Variants in FBXL17 observed in about 807,000 individuals in gnomAD.
FBXL17 encodes F-box/LRR-repeat protein 17.
In FBXL17, 22 loss-of-function variants were observed where a neutral mutation model predicts 66.2. The observed-to-expected ratio is 0.33, with a 90% CI of 0.24 to 0.47. The LOEUF is 0.47. Ranked by LOEUF, FBXL17 falls within the 20% of genes least tolerant of loss-of-function variation. FBXL17 has a pLI of 1.00. For synonymous variants in FBXL17, 474 were observed against 400.5 expected (o/e 1.18, Z -2.19); for missense variants, 878 against 948.2 (o/e 0.93, Z 0.97).
chr5:107,908,785 C>T (rs768898341), intron 7 of FBXL17, among the ~76,000 whole-genome samples: 7 of 152,230 alleles, frequency 4.6e-5, no homozygotes, highest in African/African-American at 4.8e-5. Flanking sequence ...GGAAAGAAAC[C>T]GCTAGCATCA....
chr5:108,227,492 T>A (rs1037635597), intron 4 of FBXL17, among the ~76,000 whole-genome samples: 1 of 152,226 alleles, frequency 6.6e-6, no homozygotes, highest in African/African-American at 2.4e-5. Context: ...ACAGTCAAGA[T>A]GAGATCGACA....
At chr5:108,292,403 G>C (rs1373455484) in intron 4 of FBXL17, among the ~76,000 whole-genome samples, 2 of 152,068 alleles carry the variant, frequency 1.3e-5, no homozygotes, top group African/African-American at 2.4e-5. Flanking sequence ...TTACAGGCAT[G>C]AGCCACCATG....
chr5:107,897,741 G>A (rs1214379865), intron 7 of FBXL17, among the ~76,000 whole-genome samples: 1 of 151,684 alleles, frequency 6.6e-6, no homozygotes, highest in Non-Finnish European at 1.5e-5. Flanking sequence ...GATACAACAT[G>A]TAACAGTCTG....
At chr5:108,216,254 C>T (rs1754594805) in intron 5 of FBXL17, among the ~76,000 whole-genome samples, 1 of 151,854 alleles carries the variant, frequency 6.6e-6, no homozygotes, top group African/African-American at 2.4e-5. Flanking sequence ...ACAGAGATTC[C>T]ATTGACTCTA....
At chr5:108,101,495 T>C (rs1749599367) in intron 6 of FBXL17, among the ~76,000 whole-genome samples, 1 of 152,208 alleles carries the variant, frequency 6.6e-6, no homozygotes, top group African/African-American at 2.4e-5. Flanking sequence ...GAACAAGTGT[T>C]TTGTATGCAG....
At chr5:108,062,550 T>C (rs1487495402) in intron 6 of FBXL17, among the ~76,000 whole-genome samples, 2 of 152,236 alleles carry the variant, frequency 1.3e-5, no homozygotes, top group African/African-American at 2.4e-5. Context: ...TCACCAACAA[T>C]TGTAGCTGGG....
At chr5:108,090,440 T>C (rs1749145434) in intron 6 of FBXL17, among the ~76,000 whole-genome samples, 1 of 152,156 alleles carries the variant, frequency 6.6e-6, no homozygotes, top group Non-Finnish European at 1.5e-5. Context: ...CCCCTTTTTT[T>C]CCACCATAAT....
At chr5:108,242,396 T>TGTTGTTGTC (rs1398012060) in intron 4 of FBXL17, among the ~76,000 whole-genome samples, 3 of 141,688 alleles carry the variant, frequency 2.1e-5, no homozygotes, top group Non-Finnish European at 4.6e-5. Flanking sequence ...TTGTTGTTGT[T>TGTTGTTGTC]GTCATTGTAG....
At chr5:107,930,533 G>C (rs999200156) in intron 7 of FBXL17, among the ~76,000 whole-genome samples, 1 of 152,158 alleles carries the variant, frequency 6.6e-6, no homozygotes, top group Non-Finnish European at 1.5e-5. Flanking sequence ...AAGTTTTCAT[G>C]AACTGCCTCT....
chr5:108,264,117 G>T (rs1390806833), intron 4 of FBXL17, among the ~76,000 whole-genome samples: 1 of 150,974 alleles, frequency 6.6e-6, no homozygotes, highest in Non-Finnish European at 1.5e-5. Context: ...CAGGAAGCTG[G>T]GGGAGGAGAA....
chr5:108,111,487 AAG>A (rs769617648), intron 6 of FBXL17, among the ~76,000 whole-genome samples: 1 of 152,224 alleles, frequency 6.6e-6, no homozygotes, highest in Non-Finnish European at 1.5e-5. Context: ...CTTGGGAACT[AAG>A]AGAAAAGGCT....
At chr5:108,014,405 G>A (rs1173876320) in intron 7 of FBXL17, among the ~76,000 whole-genome samples, 1 of 152,042 alleles carries the variant, frequency 6.6e-6, no homozygotes, top group Admixed American at 6.6e-5. Context: ...TTTAAATGAA[G>A]GCTAGAATGT....
intron 7 of FBXL17, among the ~76,000 whole-genome samples, chr5:107,898,311 G>A (rs1580694201): frequency 6.6e-6 from 1 of 152,020 alleles, no homozygotes; most frequent in Non-Finnish European, 1.5e-5. Context: ...ACTGAGTGTA[G>A]CTGCCTCTCC....
intron 7 of FBXL17, among the ~76,000 whole-genome samples, chr5:108,012,340 T>C (rs1198712916): frequency 6.6e-6 from 1 of 152,196 alleles, no homozygotes; most frequent in Admixed American, 6.5e-5. Flanking sequence ...CCCTTTCAGC[T>C]ACAGAACACT....
intron 7 of FBXL17, among the ~76,000 whole-genome samples, chr5:107,943,095 G>A (rs377165319): frequency 4.6e-5 from 7 of 152,160 alleles, no homozygotes; most frequent in African/African-American, 1.7e-4. Flanking sequence ...TTGGTATCAC[G>A]TAAATGTAGG....
chr5:108,190,596 T>C (rs139127919), intron 5 of FBXL17, among the ~76,000 whole-genome samples: 113 of 152,336 alleles, frequency 7.4e-4, no homozygotes, highest in Admixed American at 2.0e-3. Flanking sequence ...CTTTTTATGT[T>C]CCCTAAAGTT....
intron 7 of FBXL17, among the ~76,000 whole-genome samples, chr5:107,976,327 AAG>A (rs1752581038): frequency 6.6e-6 from 1 of 152,260 alleles, no homozygotes; most frequent in South Asian, 2.1e-4. Flanking sequence ...ATAGGGAGGA[AAG>A]AAATTATTTG....
chr5:107,950,085 T>C (rs1360363469), intron 7 of FBXL17, among the ~76,000 whole-genome samples: 1 of 152,112 alleles, frequency 6.6e-6, no homozygotes, highest in Non-Finnish European at 1.5e-5. Context: ...GATGAAAGTG[T>C]ACGATTTCCT....
chr5:108,060,534 G>A (rs1293755391), intron 6 of FBXL17, among the ~76,000 whole-genome samples: 2 of 152,140 alleles, frequency 1.3e-5, no homozygotes, highest in Non-Finnish European at 2.9e-5. Context: ...AGTACTCTAT[G>A]TAGCCACTAG....
Sources: allele counts gnomAD v4.1 joint callset (sites outside exome capture counted in the v4.1 genomes callset), GRCh38; gene constraint gnomAD v4.1.1; transcripts MANE v1.5; gene names NCBI Gene and HGNC (gene_info 2026-07-23, HGNC 2026-07-21).